ROBO2: variants seen among roughly 807,000 people sequenced by gnomAD.
ROBO2 encodes the protein roundabout guidance receptor 2.
ROBO2 carries 53 observed loss-of-function variants against 160.8 expected under a neutral mutation model. That is an observed-to-expected ratio of 0.33 (90% CI 0.26 to 0.41). ROBO2 has a LOEUF of 0.41. ROBO2 is among the 10% of genes least tolerant of loss of function. ROBO2 has a pLI of 1.00. For missense variants in ROBO2, 1,577 were observed against 1,722.4 expected, an observed-to-expected ratio of 0.92 and a Z score of 1.49; for synonymous variants, 664 against 611.7, an observed-to-expected ratio of 1.09 and a Z score of -1.26.
At chr3:76,069,875 G>C (rs535439947) in intron 2 of ROBO2, among the ~76,000 whole-genome samples, 1 of 152,084 alleles carries the variant, frequency 6.6e-6, no homozygotes, top group South Asian at 2.1e-4. Flanking sequence ...GACATTTATT[G>C]GTTCCCCAAA....
intron 2 of ROBO2, among the ~76,000 whole-genome samples, chr3:76,220,363 A>G (rs1298631967): frequency 2.0e-5 from 3 of 151,960 alleles, no homozygotes; most frequent in Admixed American, 6.6e-5. Context: ...AAAAAACTCG[A>G]TCCCCAGTAT....
intron 2 of ROBO2, among the ~76,000 whole-genome samples, chr3:77,364,032 T>A (rs867209571): frequency 1.3e-5 from 2 of 152,134 alleles, no homozygotes; most frequent in South Asian, 2.1e-4. Context: ...ACTAAAAAAA[T>A]GAAAATCATT....
At chr3:77,562,074 G>A (rs1185882434) in intron 9 of ROBO2, among the ~76,000 whole-genome samples, 1 of 152,016 alleles carries the variant, frequency 6.6e-6, no homozygotes, top group Non-Finnish European at 1.5e-5. Context: ...TTGCACTCCA[G>A]CCTAGGCAAC....
At chr3:76,184,542 GAGATAGATAGAT>G (rs78271272) in intron 2 of ROBO2, among the ~76,000 whole-genome samples, 14,061 of 146,340 alleles carry the variant, frequency 0.096, 763 homozygotes, top group East Asian at 0.17. Flanking sequence ...GAACAAATAG[GAGATAGATAGAT>G]AGATAGATAG....
intron 2 of ROBO2, among the ~76,000 whole-genome samples, chr3:76,010,018 A>G (rs1262324468): frequency 6.6e-6 from 1 of 152,152 alleles, no homozygotes; most frequent in Non-Finnish European, 1.5e-5. Flanking sequence ...TCTCAATGGC[A>G]TTCAAGAAAC....
At chr3:77,450,123 T>G (rs554323611) in intron 2 of ROBO2, among the ~76,000 whole-genome samples, 7 of 152,140 alleles carry the variant, frequency 4.6e-5, no homozygotes, top group Non-Finnish European at 1.0e-4. Flanking sequence ...TTAGATACTC[T>G]CTAGACAGTT....
In ROBO2 at chr3:77,145,750, T is replaced by G. The variant is rs561523041; in HGVS notation, c.388+47410T>G. Among the ~76,000 whole-genome samples, 14 of 152,316 alleles carry G rather than the reference T, an allele frequency of 9.2e-5. No individual in the cohort carries two copies. The South Asian group carries it at 2.5e-3, about 27-fold the overall frequency. ...GTTTATGTGTTTCTAGAAAAGATCT[T>G]TTCTGTCACAGCAAATGCCATGGTA... On this transcript the variant is annotated intron_variant, in intron 2 of 25. Coordinates refer to ENST00000461745, the Ensembl canonical transcript of ROBO2.
At chr3:77,408,614 T>C (rs1241651093) in intron 2 of ROBO2, among the ~76,000 whole-genome samples, 1 of 152,226 alleles carries the variant, frequency 6.6e-6, no homozygotes, top group Non-Finnish European at 1.5e-5. Flanking sequence ...AATAATTCTA[T>C]TATAAATTTG....
At chr3:77,170,289 A>T (rs574475316) in intron 2 of ROBO2, among the ~76,000 whole-genome samples, 1 of 152,308 alleles carries the variant, frequency 6.6e-6, no homozygotes, top group South Asian at 2.1e-4. Flanking sequence ...TTGGGTATAC[A>T]ACTAAGAATA....
chr3:77,211,828 G>A (rs2084212531), intron 2 of ROBO2, among the ~76,000 whole-genome samples: 1 of 152,150 alleles, frequency 6.6e-6, no homozygotes, highest in South Asian at 2.1e-4. Flanking sequence ...TTATTAAATA[G>A]GGAATCCTTT....
chr3:76,089,028 G>A (rs1229749556), intron 2 of ROBO2, among the ~76,000 whole-genome samples: 1 of 151,896 alleles, frequency 6.6e-6, no homozygotes, highest in Admixed American at 6.6e-5. Flanking sequence ...AGATTTATGG[G>A]CATCAAAAGG....
chr3:76,048,123 C>T (rs1244734610), intron 2 of ROBO2, among the ~76,000 whole-genome samples: 1 of 151,972 alleles, frequency 6.6e-6, no homozygotes, highest in African/African-American at 2.4e-5. Flanking sequence ...AATGTATTGT[C>T]AACACTTTGT....
chr3:76,097,758 G>A (rs1260048750), intron 2 of ROBO2, among the ~76,000 whole-genome samples: 2 of 152,142 alleles, frequency 1.3e-5, no homozygotes, highest in African/African-American at 2.4e-5. Flanking sequence ...ATCTCTGTGA[G>A]GGCTGGAACT....
chr3:77,146,203 G>T (rs1034955160), intron 2 of ROBO2, among the ~76,000 whole-genome samples: 1 of 152,164 alleles, frequency 6.6e-6, no homozygotes, highest in Non-Finnish European at 1.5e-5. Context: ...CCTGCTCAGG[G>T]TTTGGCCGCC....
intron 2 of ROBO2, among the ~76,000 whole-genome samples, chr3:76,979,076 GGGAC>G (rs2059958615): frequency 1.3e-5 from 2 of 152,118 alleles, no homozygotes; most frequent in Admixed American, 1.3e-4. Context: ...CCAAGCAGCT[GGGAC>G]TACAGGTGTG....
chr3:76,086,712 G>C (rs2069026882), intron 2 of ROBO2, among the ~76,000 whole-genome samples: 2 of 152,106 alleles, frequency 1.3e-5, no homozygotes, highest in African/African-American at 4.8e-5. Flanking sequence ...ATCAGAGTCA[G>C]ATATGGCAAG....
At chr3:76,923,985 G>T (rs1176963003) in intron 2 of ROBO2, among the ~76,000 whole-genome samples, 1 of 152,102 alleles carries the variant, frequency 6.6e-6, no homozygotes, top group African/African-American at 2.4e-5. Flanking sequence ...CATCATAATT[G>T]TATTTGATTT....
chr3:77,600,200 C>T (rs1452182046), intron 19 of ROBO2, among the ~76,000 whole-genome samples: 5 of 152,164 alleles, frequency 3.3e-5, no homozygotes, highest in Admixed American at 3.3e-4. Context: ...GGAAGGCTAG[C>T]CCAGAGTTCC....
chr3:76,666,494 C>A (rs2110115632), intron 2 of ROBO2, among the ~76,000 whole-genome samples: 1 of 152,048 alleles, frequency 6.6e-6, no homozygotes, highest in South Asian at 2.1e-4. Flanking sequence ...TTTGGGTTAT[C>A]TGAGCAGAAC....
Sources: allele counts gnomAD v4.1 joint callset (sites outside exome capture counted in the v4.1 genomes callset), GRCh38; gene constraint gnomAD v4.1.1; transcripts MANE v1.5; gene names NCBI Gene and HGNC (gene_info 2026-07-23, HGNC 2026-07-21).